The following NCAPH variants were observed in gnomAD, a reference collection of about 807,000 sequenced individuals.
NCAPH encodes the protein non-SMC condensin I complex subunit H, also known as condensin complex subunit 2.
Under a neutral mutation model 85.5 loss-of-function variants are expected in NCAPH, and 38 were observed. That is an observed-to-expected ratio of 0.44 (90% CI 0.34 to 0.58). The LOEUF is 0.58. Ranked by LOEUF, NCAPH falls within the 20% of genes least tolerant of loss-of-function variation. The pLI, the probability that NCAPH is intolerant of heterozygous loss-of-function variation, is 0.01. For synonymous variants in NCAPH, 301 were observed against 335.1 expected (o/e 0.90, Z 1.11); for missense variants, 789 against 916.6 (o/e 0.86, Z 1.80).
intron 14 of NCAPH, 49 bp from the exon 15 acceptor site, chr2:96,367,208 A>G (rs112248735): frequency 8.8e-6 from 12 of 1,359,426 alleles, no homozygotes; most frequent in African/African-American, 7.3e-5. Context: ...AATTATGGTA[A>G]AAGTTTCTTT....
At chr2:96,372,581 G>A (rs955971212) in intron 17 of NCAPH, among the ~76,000 whole-genome samples, 9 of 152,024 alleles carry the variant, frequency 5.9e-5, no homozygotes, top group African/African-American at 1.7e-4. Context: ...ACCATGTCCC[G>A]CTCCATCCTG....
intron 17 of NCAPH, among the ~76,000 whole-genome samples, 167 bp from the exon 18 acceptor site, chr2:96,373,125 G>T (rs996987970): frequency 6.6e-6 from 1 of 152,164 alleles, no homozygotes; most frequent in Non-Finnish European, 1.5e-5. Context: ...AACAAGGATT[G>T]GGAATCAGGT....
intron 11 of NCAPH, 69 bp downstream of exon 11, chr2:96,360,318 C>A: frequency 1.0e-6 from 1 of 997,062 alleles, no homozygotes; most frequent in Non-Finnish European, 1.5e-6. Context: ...TTTAAAATTC[C>A]GTATAAATTT....
Position 96,364,550 on chromosome 2 carries a change from A to G in NCAPH, c.1657A>G (p.Asn553Asp), listed in dbSNP as rs760518618. Residue 553 changes from asparagine (N) to aspartate (D), a missense_variant, in exon 13 of 18, where the codon AAC becomes GAC. Transcript: ENST00000240423. ...TGAAGAAATTGAAGACTATGATTAC[A>G]ACAACCCTAACGACACCTCCAACTT... ...HYEEIEDYDY[N>D]NPNDTSNFCP... 23 of 1,613,696 alleles carry G rather than the reference A, an allele frequency of 1.4e-5. No homozygotes were observed. The highest frequency in any genetic ancestry group is 1.9e-5 in the Non-Finnish European group (22 of 1,179,680).
chr2:96,336,131 C>T (rs1477167976), intron 1 of NCAPH, among the ~76,000 whole-genome samples: 4 of 152,142 alleles, frequency 2.6e-5, no homozygotes, highest in Non-Finnish European at 5.9e-5. Flanking sequence ...GGTGGGGCGG[C>T]CTCCTCCTTG....
chr2:96,343,012 A>C (rs2064315729), intron 4 of NCAPH, among the ~76,000 whole-genome samples, 154 bp from the exon 5 acceptor site: 1 of 152,230 alleles, frequency 6.6e-6, no homozygotes, highest in Non-Finnish European at 1.5e-5. Flanking sequence ...TACAGAGAGA[A>C]TATATATTCT....
In NCAPH at chr2:96,373,395, C is replaced by T. The variant is rs2064798371; in HGVS notation, c.*44C>T. ...AGCAGCAGGAGGCCCATCCCTTACT[C>T]AGTTGCCGGGACATCCCCAGTCTCG... On this transcript the variant is annotated 3_prime_UTR_variant, in exon 18 of 18. Coordinates refer to ENST00000240423, the MANE Select transcript of NCAPH (RefSeq NM_015341.5). 4 of 1,578,984 alleles carry T rather than the reference C, an allele frequency of 2.5e-6. No individual in the cohort carries two copies. The highest frequency in any genetic ancestry group is 2.2e-5 in the South Asian group (2 of 89,828).
At chr2:96,367,150 A>G in intron 14 of NCAPH, 107 bp from the exon 15 acceptor site, 2 of 727,082 alleles carry the variant, frequency 2.8e-6, no homozygotes, top group Non-Finnish European at 4.7e-6. Flanking sequence ...CCTTGGTTGA[A>G]ACTGGATTCC....
At chr2:96,361,450 G>A (rs1245846442) in intron 12 of NCAPH, among the ~76,000 whole-genome samples, 2 of 151,954 alleles carry the variant, frequency 1.3e-5, no homozygotes, top group Non-Finnish European at 2.9e-5. Context: ...AGCCCAAGGT[G>A]ACACACGGGC....
intron 7 of NCAPH, 91 bp from the exon 8 acceptor site, chr2:96,353,215 C>A: frequency 9.6e-7 from 1 of 1,037,328 alleles, no homozygotes. Flanking sequence ...TGCCTCTCAT[C>A]TCTCGTCCCA....
chr2:96,376,484 A>G lies in NCAPH; in HGVS notation c.*3133A>G, dbSNP rs2064832815. 6.6e-6 allele frequency among the ~76,000 whole-genome samples: 1 copy of G among 152,242 alleles called. No individual in the cohort carries two copies. Among genetic ancestry groups the G allele is most frequent in the African/African-American group, 2.4e-5 (1 of 41,470 alleles). On this transcript the variant is annotated 3_prime_UTR_variant, in exon 18 of 18. Coordinates refer to ENST00000240423, the MANE Select transcript of NCAPH (RefSeq NM_015341.5). ...TACAGCTAGGTGCACTTCCCTGGCC[A>G]GACCACCCTACAGTGTATGATCCCC...
At chr2:96,367,448 C>T in intron 15 of NCAPH, 75 bp downstream of exon 15, 1 of 1,080,232 alleles carries the variant, frequency 9.3e-7, no homozygotes, top group Non-Finnish European at 1.4e-6. Context: ...GCTGAAGACA[C>T]CTCGATTTGG....
intron 4 of NCAPH, 61 bp downstream of exon 4, chr2:96,342,909 G>A: frequency 7.0e-7 from 1 of 1,433,608 alleles, no homozygotes; most frequent in Non-Finnish European, 9.8e-7. Flanking sequence ...TCTACTACTT[G>A]GCATAACACA....
chr2:96,348,048 A>C (rs2064383977), intron 6 of NCAPH, among the ~76,000 whole-genome samples: 2 of 152,048 alleles, frequency 1.3e-5, no homozygotes, highest in African/African-American at 4.8e-5. Context: ...AAAGACCTTG[A>C]CGTAGGCCGG....
At position 96,374,329 on chromosome 2, in the gene NCAPH, G is replaced by T. The variant is rs1573103631; in HGVS notation, c.*978G>T. On this transcript the variant is annotated 3_prime_UTR_variant, in exon 18 of 18. Transcript: ENST00000240423. The stretch of plus-strand genomic sequence containing the variant: ...TGGGTGGAGAGCAGTGCTCAGATTT[G>T]TCCATCTCCACAGAATGCAGCACAC... 6.6e-6 allele frequency among the ~76,000 whole-genome samples: 1 copy of T among 152,184 alleles called. No individual in the cohort carries two copies. The highest frequency in any genetic ancestry group is 1.5e-5 in the Non-Finnish European group (1 of 68,038).
intron 13 of NCAPH, among the ~76,000 whole-genome samples, 154 bp from the exon 14 acceptor site, chr2:96,365,722 T>TA (rs1195859937): frequency 6.6e-6 from 1 of 152,224 alleles, no homozygotes; most frequent in Non-Finnish European, 1.5e-5. Context: ...AACAGGATGA[T>TA]AACTAGAGGC....
At chr2:96,335,912 C>G in intron 1 of NCAPH, 64 bp downstream of exon 1, 1 of 1,403,900 alleles carries the variant, frequency 7.1e-7, no homozygotes, top group Non-Finnish European at 9.3e-7. Flanking sequence ...TTCGGGCGGG[C>G]AGGGCTGGCG....
At chr2:96,351,381 C>T (rs1217677199) in intron 6 of NCAPH, among the ~76,000 whole-genome samples, 1 of 152,136 alleles carries the variant, frequency 6.6e-6, no homozygotes, top group Admixed American at 6.5e-5. Context: ...ATTAGAAAGC[C>T]ACTTTTGTTG....
At chr2:96,346,543 A>G (rs947806205) in intron 6 of NCAPH, among the ~76,000 whole-genome samples, 1 of 152,176 alleles carries the variant, frequency 6.6e-6, no homozygotes, top group African/African-American at 2.4e-5. Context: ...AGGTGAGTGC[A>G]TGTGTAAAGG....
Sources: allele counts gnomAD v4.1 joint callset (sites outside exome capture counted in the v4.1 genomes callset), GRCh38; gene constraint gnomAD v4.1.1; transcripts MANE v1.5; gene names NCBI Gene and HGNC (gene_info 2026-07-23, HGNC 2026-07-21).